The following TM9SF2 variants were observed in gnomAD, a reference collection of about 807,000 sequenced individuals.
TM9SF2 encodes transmembrane 9 superfamily member 2.
In TM9SF2, 13 loss-of-function variants were observed where a neutral mutation model predicts 84.9. That is an observed-to-expected ratio of 0.15 (90% CI 0.10 to 0.24). The LOEUF is 0.24. Ranked by LOEUF, TM9SF2 falls within the 10% of genes least tolerant of loss-of-function variation. TM9SF2 has a pLI of 1.00. For missense variants in TM9SF2, 562 were observed against 818.5 expected (o/e 0.69, Z 3.82); for synonymous variants, 273 against 285.8 (o/e 0.96, Z 0.45).
intron 15 of TM9SF2, among the ~76,000 whole-genome samples, chr13:99,557,480 T>C (rs1397787657): frequency 1.3e-5 from 2 of 152,230 alleles, no homozygotes; most frequent in Non-Finnish European, 2.9e-5. Flanking sequence ...CCTTTTCACT[T>C]TCTTGATAAT....
intron 12 of TM9SF2, among the ~76,000 whole-genome samples, chr13:99,550,544 T>C (rs1201763449): frequency 6.6e-6 from 1 of 152,238 alleles, no homozygotes; most frequent in Non-Finnish European, 1.5e-5. Context: ...CTCTGATTGA[T>C]GTTCTTCATC....
intron 3 of TM9SF2, among the ~76,000 whole-genome samples, chr13:99,527,913 C>T (rs1256651539): frequency 6.6e-6 from 1 of 152,156 alleles, no homozygotes; most frequent in Non-Finnish European, 1.5e-5. Context: ...CGCAGCTTTC[C>T]CTGGTCTCCT....
intron 16 of TM9SF2, among the ~76,000 whole-genome samples, chr13:99,560,962 T>G (rs1373593958): frequency 2.6e-5 from 4 of 152,158 alleles, no homozygotes; most frequent in African/African-American, 9.6e-5. Context: ...GGATTGGGCG[T>G]GAGCCACTGC....
chr13:99,506,464 G>T (rs1262762702), intron 1 of TM9SF2, among the ~76,000 whole-genome samples: 11 of 152,196 alleles, frequency 7.2e-5, no homozygotes, highest in Non-Finnish European at 8.8e-5. Flanking sequence ...GACTTACTTT[G>T]ACTATGGTAA....
chr13:99,546,677 G>A (rs960900494), intron 10 of TM9SF2, among the ~76,000 whole-genome samples: 11 of 151,880 alleles, frequency 7.2e-5, no homozygotes, highest in East Asian at 3.9e-4. Flanking sequence ...GGCTGTACTT[G>A]AATCTCAGAA....
intron 10 of TM9SF2, among the ~76,000 whole-genome samples, chr13:99,545,084 A>C (rs1053016561): frequency 6.6e-6 from 1 of 152,206 alleles, no homozygotes; most frequent in East Asian, 1.9e-4. Flanking sequence ...CAACAAATGA[A>C]TATACTGGGA....
chr13:99,533,837 A>G (rs1344840767), intron 4 of TM9SF2, among the ~76,000 whole-genome samples: 1 of 151,912 alleles, frequency 6.6e-6, no homozygotes, highest in Non-Finnish European at 1.5e-5. Flanking sequence ...CGCCTGGCTA[A>G]TTTTTGTATT....
In TM9SF2 at chr13:99,501,549, A is replaced by T. The variant is rs1029463247; in HGVS notation, c.-58A>T. On this transcript the variant is annotated 5_prime_UTR_variant, in exon 1 of 17. Transcript: ENST00000376387. Reference sequence around the variant, plus strand: ...CTTGTAGTCGTCTCCGAGACTCCCCACCCCTCCTTCCCTCTTGACCCCCTA... The same window carrying T: ...CTTGTAGTCGTCTCCGAGACTCCCCTCCCCTCCTTCCCTCTTGACCCCCTA... 4 of 1,517,632 alleles carry T rather than the reference A, an allele frequency of 2.6e-6. No individual in the cohort carries two copies. The highest frequency in any genetic ancestry group is 3.6e-6 in the Non-Finnish European group (4 of 1,113,180). The allele number at this position is 1,517,632 out of a possible 1,614,324, so 94.0% of individuals were successfully genotyped here.
chr13:99,555,590 G>A lies in TM9SF2; in HGVS notation c.1695G>A (p.Leu565=). Residue 565 remains leucine, a synonymous_variant, in exon 15 of 17, where the codon TTG becomes TTA. Coordinates refer to ENST00000376387, the MANE Select transcript of TM9SF2 (RefSeq NM_004800.3). The stretch of plus-strand genomic sequence containing the variant: ...TCCTATTTCTGGTGTTTATCATTTT[G>A]GTTATTACCTGTTCTGAAGCAACTA... ...FGFLFLVFII[L]VITCSEATIL... 3.1e-6 allele frequency: 5 copies of A among 1,613,868 alleles called. No individual in the cohort carries two copies. Among genetic ancestry groups the A allele is most frequent in the Non-Finnish European group, 4.2e-6 (5 of 1,179,900 alleles).
intron 7 of TM9SF2, among the ~76,000 whole-genome samples, chr13:99,540,030 AT>A (rs1325365153): frequency 1.3e-5 from 2 of 152,094 alleles, no homozygotes; most frequent in African/African-American, 4.8e-5. Context: ...TTCTACCTTT[AT>A]TTTTTCACCA....
At chr13:99,545,879 A>G (rs2046280467) in intron 10 of TM9SF2, among the ~76,000 whole-genome samples, 2 of 152,056 alleles carry the variant, frequency 1.3e-5, no homozygotes, top group African/African-American at 2.4e-5. Flanking sequence ...CCTGCTTTCA[A>G]ATCTTATTAG....
At chr13:99,503,570 G>C (rs895492736) in intron 1 of TM9SF2, among the ~76,000 whole-genome samples, 1 of 152,048 alleles carries the variant, frequency 6.6e-6, no homozygotes, top group African/African-American at 2.4e-5. Flanking sequence ...TTAGCTGGGC[G>C]TGGTGGCGGG....
At chr13:99,551,022 T>TA (rs905523759) in intron 12 of TM9SF2, among the ~76,000 whole-genome samples, 2 of 152,214 alleles carry the variant, frequency 1.3e-5, no homozygotes, top group Non-Finnish European at 2.9e-5. Context: ...GTAGAATTAA[T>TA]AAAAAGAGTT....
In TM9SF2 at chr13:99,554,237, T is replaced by A. The variant is rs1594061765; in HGVS notation, c.1489-67T>A. 9 of 1,546,034 alleles carry A rather than the reference T, an allele frequency of 5.8e-6. No homozygotes were observed. The East Asian group carries it at 1.8e-4, about 31-fold the overall frequency. ...GCTGAAAAAAAGCAGGCAAATAATC[T>A]CGTGTAGAGAAGAATATTTGAGACA... On this transcript the variant is annotated intron_variant, in intron 13 of 16. Transcript: ENST00000376387.
intron 15 of TM9SF2, among the ~76,000 whole-genome samples, chr13:99,558,428 T>C (rs940605594): frequency 6.6e-6 from 1 of 152,232 alleles, no homozygotes; most frequent in Non-Finnish European, 1.5e-5. Flanking sequence ...AGTATTGCTG[T>C]CTTAACAGTG....
intron 15 of TM9SF2, among the ~76,000 whole-genome samples, chr13:99,556,308 C>T (rs2046324354): frequency 6.6e-6 from 1 of 152,188 alleles, no homozygotes; most frequent in Admixed American, 6.5e-5. Flanking sequence ...ACTGCATTTA[C>T]AGTGTTGCGC....
intron 3 of TM9SF2, among the ~76,000 whole-genome samples, chr13:99,523,658 C>T (rs2046169927): frequency 6.6e-6 from 1 of 152,224 alleles, no homozygotes. Flanking sequence ...TATTCATTCA[C>T]TCAGTTAACA....
chr13:99,526,034 G>T (rs986623589), intron 3 of TM9SF2, among the ~76,000 whole-genome samples: 4 of 152,216 alleles, frequency 2.6e-5, no homozygotes, highest in Non-Finnish European at 5.9e-5. Flanking sequence ...TCGTTCATCC[G>T]TGGTAACTGG....
At chr13:99,532,452 G>A (rs1362854724) in intron 4 of TM9SF2, among the ~76,000 whole-genome samples, 1 of 152,082 alleles carries the variant, frequency 6.6e-6, no homozygotes, top group Non-Finnish European at 1.5e-5. Context: ...CATTTTGGGA[G>A]GCCAAGGCAG....
Sources: gnomAD v4.1 joint callset for allele counts (sites outside exome capture counted in the v4.1 genomes callset) on GRCh38, gnomAD v4.1.1 for gene constraint, MANE v1.5 for transcripts, NCBI Gene and HGNC (gene_info 2026-07-23, HGNC 2026-07-21) for gene names.